HHAT: variants seen among roughly 807,000 people sequenced by gnomAD.
The protein encoded by HHAT is protein-cysteine N-palmitoyltransferase HHAT.
A neutral mutation model predicts 70.8 loss-of-function variants in HHAT; 47 were observed. The ratio of observed to expected loss-of-function variants is 0.66; its 90% CI spans 0.53 to 0.85. The LOEUF (loss-of-function observed/expected upper bound fraction) is 0.85, where lower values mean the gene tolerates loss of function less well. Ranked by LOEUF, HHAT falls within the 40% of genes least tolerant of loss-of-function variation. The pLI is 0.00. For synonymous variants in HHAT, 228 were observed against 247.6 expected, an observed-to-expected ratio of 0.92 and a Z score of 0.74; for missense variants, 609 against 604.8, an observed-to-expected ratio of 1.01 and a Z score of -0.07.
At chr1:210,654,504 C>T (rs1490732644) in intron 11 of HHAT, among the ~76,000 whole-genome samples, 1 of 152,216 alleles carries the variant, frequency 6.6e-6, no homozygotes, top group African/African-American at 2.4e-5. Flanking sequence ...CATTCATTAA[C>T]ATCAGGAAAC....
chr1:210,563,338 G>T (rs2095641201), intron 9 of HHAT, among the ~76,000 whole-genome samples: 1 of 152,176 alleles, frequency 6.6e-6, no homozygotes, highest in Admixed American at 6.5e-5. Context: ...TCATGTTAGG[G>T]GCCGGGGATC....
chr1:210,329,091 G>C lies in HHAT; in HGVS notation c.-57G>C, dbSNP rs1202874500. On this transcript the variant is annotated 5_prime_UTR_variant, in exon 1 of 12. Coordinates refer to ENST00000261458, the MANE Select transcript of HHAT (RefSeq NM_018194.6). ...GTGAACGTTGCCGTCGCCGCCGCCC[G>C]GGACAGCCCGGAGGTTGGTAACTGG... 1.5e-5 allele frequency: 21 copies of C among 1,408,952 alleles called. No homozygotes were observed. In the Middle Eastern group the frequency reaches 7.3e-4, roughly 49 times the overall value. 87.3% of individuals were successfully genotyped at this position (1,408,952 alleles called of 1,614,324 possible).
intron 8 of HHAT, among the ~76,000 whole-genome samples, chr1:210,481,008 C>G (rs567365588): frequency 5.3e-5 from 8 of 152,162 alleles, no homozygotes; most frequent in Admixed American, 1.3e-4. Flanking sequence ...AAAGCACATA[C>G]GCTCACATAG....
intron 3 of HHAT, among the ~76,000 whole-genome samples, chr1:210,387,140 A>G (rs1380059751): frequency 6.6e-6 from 1 of 152,162 alleles, no homozygotes; most frequent in African/African-American, 2.4e-5. Context: ...CAAAATGGAA[A>G]TAATAATAGC....
chr1:210,655,696 T>G (rs1301181527), intron 11 of HHAT, among the ~76,000 whole-genome samples: 1 of 152,242 alleles, frequency 6.6e-6, no homozygotes, highest in East Asian at 1.9e-4. Flanking sequence ...TGAGTCACTT[T>G]ATACGTCAGG....
chr1:210,579,308 A>G (rs1026049308), intron 9 of HHAT, among the ~76,000 whole-genome samples: 1 of 152,202 alleles, frequency 6.6e-6, no homozygotes, highest in Non-Finnish European at 1.5e-5. Flanking sequence ...AGTCAAACTC[A>G]TAGAAGCGAA....
intron 3 of HHAT, among the ~76,000 whole-genome samples, chr1:210,381,211 A>G (rs2090610052): frequency 1.3e-5 from 2 of 152,056 alleles, no homozygotes; most frequent in South Asian, 4.1e-4. Context: ...ATGAAGCAGC[A>G]TATACTAGAT....
At chr1:210,370,420 A>G (rs1419924525) in intron 3 of HHAT, among the ~76,000 whole-genome samples, 2 of 151,430 alleles carry the variant, frequency 1.3e-5, no homozygotes, top group East Asian at 2.0e-4. Context: ...TGATCCACCC[A>G]TCTTGGCCTC....
intron 9 of HHAT, among the ~76,000 whole-genome samples, chr1:210,528,812 G>A (rs1007358356): frequency 1.6e-4 from 25 of 152,070 alleles, no homozygotes; most frequent in Admixed American, 5.9e-4. Flanking sequence ...TCTGGAAATC[G>A]GGCATACCCT....
intron 9 of HHAT, among the ~76,000 whole-genome samples, chr1:210,538,176 C>T (rs1179011753): frequency 6.6e-6 from 1 of 151,348 alleles, no homozygotes; most frequent in Non-Finnish European, 1.5e-5. Context: ...AGATATTCAT[C>T]ATTGAAAATC....
At chr1:210,640,378 A>G (rs904594445) in intron 11 of HHAT, among the ~76,000 whole-genome samples, 1 of 152,164 alleles carries the variant, frequency 6.6e-6, no homozygotes, top group Non-Finnish European at 1.5e-5. Flanking sequence ...GAGTGGCCTT[A>G]TGAAGAGAAT....
At chr1:210,501,885 A>G (rs1372496570) in intron 8 of HHAT, among the ~76,000 whole-genome samples, 1 of 150,452 alleles carries the variant, frequency 6.6e-6, no homozygotes, top group Non-Finnish European at 1.5e-5. Context: ...GCCTACCCCC[A>G]CCCTTTTTTT....
chr1:210,665,795 T>C (rs1678765484), intron 11 of HHAT, among the ~76,000 whole-genome samples: 1 of 152,224 alleles, frequency 6.6e-6, no homozygotes, highest in African/African-American at 2.4e-5. Context: ...AATATCACTA[T>C]TGGATTGAAA....
chr1:210,584,619 CCCT>C (rs1218830867), intron 9 of HHAT, among the ~76,000 whole-genome samples: 1 of 152,112 alleles, frequency 6.6e-6, no homozygotes, highest in African/African-American at 2.4e-5. Context: ...GTCATCCAAC[CCCT>C]CGTTTGTGTC....
At chr1:210,481,719 G>A (rs567441281) in intron 8 of HHAT, among the ~76,000 whole-genome samples, 4 of 152,344 alleles carry the variant, frequency 2.6e-5, no homozygotes, top group Admixed American at 2.6e-4. Flanking sequence ...AGTGCCTCAA[G>A]TATTGATTTT....
chr1:210,660,286 C>T (rs977889433), intron 11 of HHAT, among the ~76,000 whole-genome samples: 2 of 152,020 alleles, frequency 1.3e-5, no homozygotes, highest in Non-Finnish European at 2.9e-5. Flanking sequence ...AAACAGAGAG[C>T]GAAATCATGA....
chr1:210,562,057 C>T (rs2095627975), intron 9 of HHAT, among the ~76,000 whole-genome samples: 1 of 152,142 alleles, frequency 6.6e-6, no homozygotes, highest in South Asian at 2.1e-4. Flanking sequence ...TTGTATCAAC[C>T]ACTACAGAGC....
At chr1:210,473,224 A>AT (rs1198900992) in intron 8 of HHAT, among the ~76,000 whole-genome samples, 1 of 152,188 alleles carries the variant, frequency 6.6e-6, no homozygotes, top group Admixed American at 6.5e-5. Context: ...ATGTAATGCT[A>AT]TACTAGAGTC....
At chr1:210,520,450 T>A (rs2095138819) in intron 9 of HHAT, among the ~76,000 whole-genome samples, 1 of 152,212 alleles carries the variant, frequency 6.6e-6, no homozygotes, top group African/African-American at 2.4e-5. Context: ...TCCTCTCACT[T>A]TTTTTCGCTC....
Sources: gnomAD v4.1 joint callset for allele counts (sites outside exome capture counted in the v4.1 genomes callset) on GRCh38, gnomAD v4.1.1 for gene constraint, MANE v1.5 for transcripts, NCBI Gene and HGNC (gene_info 2026-07-23, HGNC 2026-07-21) for gene names.